Variants in TRIM71 observed in about 807,000 individuals in gnomAD.
TRIM71 encodes E3 ubiquitin-protein ligase TRIM71.
A neutral mutation model predicts 61.2 loss-of-function variants in TRIM71; 9 were observed. The observed-to-expected ratio is 0.15, with a 90% confidence interval of 0.09 to 0.26. TRIM71 has a LOEUF of 0.26. Ranked by LOEUF, TRIM71 falls within the 10% of genes least tolerant of loss-of-function variation. The pLI is 1.00. For missense variants in TRIM71, 998 were observed against 1,238.7 expected (o/e 0.81, Z 2.92); for synonymous variants, 645 against 553.2 (o/e 1.17, Z -2.33).
At chr3:32,844,032 G>A (rs1463879150) in intron 1 of TRIM71, among the ~76,000 whole-genome samples, 3 of 152,176 alleles carry the variant, frequency 2.0e-5, no homozygotes, top group African/African-American at 4.8e-5. Context: ...TATGAGAGCC[G>A]AAGTATTTTA....
At position 32,893,990 on chromosome 3, in the gene TRIM71, G is replaced by T. The variant is rs1170080855; in HGVS notation, c.*2179G>T. 6.6e-6 allele frequency: 1 copy of T among 152,182 alleles called. No homozygotes were observed. The highest frequency in any genetic ancestry group is 6.5e-5 in the Admixed American group (1 of 15,278). The allele number at this position is 152,182 out of a possible 1,614,324, so 9.4% of individuals were successfully genotyped here. ...GGGAAGGTGTTAGGAAATGTTGTTTGTTAGAAGCTCCTTTTACTGTAGAAT... is the reference window on the plus strand; with the variant it reads ...GGGAAGGTGTTAGGAAATGTTGTTTTTTAGAAGCTCCTTTTACTGTAGAAT... On this transcript the variant is annotated 3_prime_UTR_variant, in exon 4 of 4. Transcript: ENST00000383763.
chr3:32,818,947 G>C lies in TRIM71; in HGVS notation c.852+15G>C, dbSNP rs765463660. The C allele has an allele frequency of 6.2e-7, 1 of 1,608,974 alleles. No homozygotes were observed. Among genetic ancestry groups the C allele is most frequent in the East Asian group, 2.2e-5 (1 of 44,692 alleles). On this transcript the variant is annotated intron_variant, in intron 1 of 3. Coordinates refer to ENST00000383763, the MANE Select transcript of TRIM71 (RefSeq NM_001039111.3). Reference sequence around the variant, plus strand: ...ACGACGACGAGGTGAGTGCGTGGGGGCGTGTGTTTGTGTCCATCGGATAAC... The same window carrying C: ...ACGACGACGAGGTGAGTGCGTGGGGCCGTGTGTTTGTGTCCATCGGATAAC...
intron 1 of TRIM71, among the ~76,000 whole-genome samples, chr3:32,823,942 G>A (rs566589088): frequency 6.6e-6 from 1 of 152,056 alleles, no homozygotes; most frequent in South Asian, 2.1e-4. Flanking sequence ...AGGCGTGGTG[G>A]CGCGTGCCTG....
At chr3:32,824,167 CT>C (rs901070913) in intron 1 of TRIM71, among the ~76,000 whole-genome samples, 2 of 151,944 alleles carry the variant, frequency 1.3e-5, no homozygotes, top group African/African-American at 2.4e-5. Flanking sequence ...TTACTTAATA[CT>C]TTTATTTAGT....
At chr3:32,889,293 A>G (rs1017547403) in intron 3 of TRIM71, among the ~76,000 whole-genome samples, 3 of 151,750 alleles carry the variant, frequency 2.0e-5, no homozygotes, top group African/African-American at 7.3e-5. Flanking sequence ...TTAAGGTGGG[A>G]TCTTGCTGTA....
At position 32,891,824 on chromosome 3, in the gene TRIM71, G is replaced by T; in HGVS notation, c.*13G>T. ...CCTCGTCTTCTAATTGCATTTCCTA[G>T]GTTTCTGTGTTTGGGGTGTGTGTGC... is the stretch of plus-strand genomic sequence containing the variant. On this transcript the variant is annotated 3_prime_UTR_variant, in exon 4 of 4. Coordinates refer to ENST00000383763, the MANE Select transcript of TRIM71 (RefSeq NM_001039111.3). This position sits in a 1 kb window ranked among gnomAD's most constrained non-coding sequence, Gnocchi z 8.2. 1 of 1,611,566 alleles carries T rather than the reference G, an allele frequency of 6.2e-7. No homozygotes were observed. The highest frequency in any genetic ancestry group is 1.1e-5 in the South Asian group (1 of 90,920).
chr3:32,872,498 C>T (rs1012162713), intron 1 of TRIM71, among the ~76,000 whole-genome samples: 2 of 152,182 alleles, frequency 1.3e-5, no homozygotes, highest in Non-Finnish European at 2.9e-5. Context: ...CTTTTTGGAG[C>T]TCTCCGCCTA....
intron 1 of TRIM71, among the ~76,000 whole-genome samples, chr3:32,845,455 T>C (rs914992831): frequency 6.6e-6 from 1 of 152,216 alleles, no homozygotes; most frequent in Non-Finnish European, 1.5e-5. Flanking sequence ...ATGAACAGTC[T>C]TGCTGCCACC....
intron 1 of TRIM71, among the ~76,000 whole-genome samples, chr3:32,860,281 C>T (rs368205113): frequency 1.3e-5 from 2 of 152,058 alleles, no homozygotes; most frequent in African/African-American, 4.8e-5. Flanking sequence ...GCCTCAGCCT[C>T]CCAAGTAGTT....
At chr3:32,833,207 A>G (rs1000760346) in intron 1 of TRIM71, among the ~76,000 whole-genome samples, 1 of 149,452 alleles carries the variant, frequency 6.7e-6, no homozygotes, top group African/African-American at 2.5e-5. Context: ...AAAAAAAAAA[A>G]AAAAAGAGGC....
intron 1 of TRIM71, among the ~76,000 whole-genome samples, chr3:32,839,855 A>G (rs1696383626): frequency 6.6e-6 from 1 of 152,260 alleles, no homozygotes; most frequent in Admixed American, 6.5e-5. Flanking sequence ...AGCCACTTGC[A>G]GTGGTCCCAG....
intron 2 of TRIM71, among the ~76,000 whole-genome samples, chr3:32,885,718 A>C (rs946897135): frequency 1.3e-5 from 2 of 152,192 alleles, no homozygotes; most frequent in Non-Finnish European, 2.9e-5. Context: ...TTTCTCATGC[A>C]AAGAAATCCA....
chr3:32,885,726 C>A (rs1696954848), intron 2 of TRIM71, among the ~76,000 whole-genome samples: 1 of 152,140 alleles, frequency 6.6e-6, no homozygotes. Context: ...GCAAAGAAAT[C>A]CAGCTCTTGC....
chr3:32,865,231 C>T (rs1033580613), intron 1 of TRIM71, among the ~76,000 whole-genome samples: 1 of 151,962 alleles, frequency 6.6e-6, no homozygotes, highest in African/African-American at 2.4e-5. Flanking sequence ...CAGGAGGCTG[C>T]GGCAGGAGAA....
chr3:32,865,791 GGCCCCCCCCC>G (rs1221062989), intron 1 of TRIM71, among the ~76,000 whole-genome samples: 970 of 50,350 alleles, frequency 0.019, 171 homozygotes, highest in African/African-American at 0.066. Context: ...GCCGCCCGCC[GGCCCCCCCCC>G]CCCCCCGCCC....
chr3:32,834,216 G>T (rs116351640), intron 1 of TRIM71, among the ~76,000 whole-genome samples: 6 of 152,298 alleles, frequency 3.9e-5, no homozygotes, highest in African/African-American at 1.4e-4. Context: ...CCGAGTGATT[G>T]TGTTTGTTAC....
At chr3:32,854,101 G>C (rs1290708390) in intron 1 of TRIM71, among the ~76,000 whole-genome samples, 1 of 152,044 alleles carries the variant, frequency 6.6e-6, no homozygotes, top group African/African-American at 2.4e-5. Context: ...TAATTCTCAT[G>C]CCTGAGCCTC....
intron 1 of TRIM71, among the ~76,000 whole-genome samples, chr3:32,832,434 C>T (rs1696283123): frequency 6.6e-6 from 1 of 152,164 alleles, no homozygotes; most frequent in East Asian, 1.9e-4. Flanking sequence ...TGCCATTGCA[C>T]TTCAGCCTGG....
In TRIM71 at chr3:32,892,574, G is replaced by T. The variant is rs180828541; in HGVS notation, c.*763G>T. On this transcript the variant is annotated 3_prime_UTR_variant, in exon 4 of 4. Coordinates refer to ENST00000383763, the MANE Select transcript of TRIM71 (RefSeq NM_001039111.3). ...ATAATCTTTGTTTCTTTTAAGGGAG[G>T]GTGTGTGCATGTTTGTTTCAAAGCC... 61 of 152,146 alleles carry T rather than the reference G, an allele frequency of 4.0e-4. No individual in the cohort carries two copies. The highest frequency in any genetic ancestry group is 1.4e-3 in the African/African-American group (60 of 41,496). 9.4% of individuals were successfully genotyped at this position (152,146 alleles called of 1,614,324 possible). A position where few individuals can be genotyped will look rare whatever the true frequency, so the allele number is the denominator to read the frequency against.
Sources: allele counts gnomAD v4.1 joint callset (sites outside exome capture counted in the v4.1 genomes callset), GRCh38; gene constraint gnomAD v4.1.1; non-coding constraint Gnocchi (gnomAD v3.1); transcripts MANE v1.5; gene names NCBI Gene and HGNC (gene_info 2026-07-23, HGNC 2026-07-21).